Variants in SUSD1 observed in about 807,000 individuals in gnomAD.
SUSD1 encodes the protein sushi domain-containing protein 1.
Under a neutral mutation model 86.9 loss-of-function variants are expected in SUSD1, and 65 were observed. The observed-to-expected ratio is 0.75, with a 90% CI of 0.61 to 0.92. The LOEUF is 0.92. SUSD1 is among the 40% of genes least tolerant of loss of function. SUSD1 has a pLI of 0.00. For missense variants in SUSD1, 850 were observed against 929.7 expected (o/e 0.91, Z 1.11); for synonymous variants, 346 against 350.0 (o/e 0.99, Z 0.13).
chr9:112,165,238 G>C (rs894977488), intron 1 of SUSD1, among the ~76,000 whole-genome samples: 1 of 152,110 alleles, frequency 6.6e-6, no homozygotes, highest in African/African-American at 2.4e-5. Flanking sequence ...CATGCAATGC[G>C]TAGTAATCAT....
chr9:112,057,013 G>T (rs557646084), intron 14 of SUSD1, among the ~76,000 whole-genome samples: 60 of 152,280 alleles, frequency 3.9e-4, no homozygotes, highest in Non-Finnish European at 8.5e-4. Context: ...CAATGTGATG[G>T]TATTTGGAGG....
intron 14 of SUSD1, 125 bp from the exon 15 acceptor site, chr9:112,052,563 A>G (rs926986236): frequency 1.9e-6 from 2 of 1,066,722 alleles, no homozygotes; most frequent in African/African-American, 3.2e-5. Flanking sequence ...CTAGACCTTT[A>G]AAGTCCAATC....
At position 112,174,494 on chromosome 9, in the gene SUSD1, C is replaced by T. The variant is rs185441237; in HGVS notation, c.103+639G>A. The stretch of plus-strand genomic sequence containing the variant: ...CTCCCTCGATTGCTTGGAAATAGAA[C>T]ATTTGCTGGTCTAAATCCTCCAGAC... On this transcript the variant is annotated intron_variant, in intron 1 of 16. Transcript: ENST00000374270. Among the ~76,000 whole-genome samples the T allele has an allele frequency of 2.7e-4, 41 of 152,318 alleles. No homozygotes were observed. The East Asian group carries it at 6.4e-3, about 24-fold the overall frequency.
chr9:112,060,718 A>C (rs1828683313), intron 13 of SUSD1, among the ~76,000 whole-genome samples: 1 of 152,242 alleles, frequency 6.6e-6, no homozygotes, highest in Admixed American at 6.5e-5. Flanking sequence ...TTAAGCATCC[A>C]CTGCCTATGG....
chr9:112,066,774 C>T (rs190557392), intron 12 of SUSD1, among the ~76,000 whole-genome samples: 28 of 152,318 alleles, frequency 1.8e-4, no homozygotes, highest in African/African-American at 6.5e-4. Flanking sequence ...TACTCCAAAT[C>T]CCCACTGGCC....
chr9:112,132,642 G>A (rs374494799), intron 5 of SUSD1, among the ~76,000 whole-genome samples: 9 of 152,254 alleles, frequency 5.9e-5, no homozygotes, highest in Admixed American at 3.3e-4. Flanking sequence ...AGCTTGATAC[G>A]TATACTTACT....
rs199737236 is a variant in SUSD1, at chr9:112,078,652, T to C, written c.1639A>G (p.Ser547Gly). Residue 547 changes from serine to glycine, a missense_variant, in exon 12 of 17, where the codon AGC becomes GGC. By Grantham distance (56) the Ser-to-Gly change is moderately conservative. Transcript: ENST00000374270. ...TCCAAGCACACCTCGGGATCTCGGCTGCTGCTACTGATATTAAAGGTCATT... is the reference window on the plus strand; with the variant it reads ...TCCAAGCACACCTCGGGATCTCGGCCGCTGCTACTGATATTAAAGGTCATT... The part of the protein sequence containing the change: ...QEMTFNISSS[S>G]RDPEVCLDLR... The C allele has an allele frequency of 3.8e-5, 61 of 1,614,022 alleles. No individual in the cohort carries two copies. Among genetic ancestry groups the C allele is most frequent in the Non-Finnish European group, 4.7e-5 (56 of 1,180,016 alleles).
chr9:112,042,247 G>T, intron 15 of SUSD1: 2 of 1,217,820 alleles, frequency 1.6e-6, no homozygotes, highest in Non-Finnish European at 2.3e-6. Context: ...CAAATACTAT[G>T]CAACGTGTTA....
chr9:112,130,521 G>A (rs1251794064), intron 5 of SUSD1, among the ~76,000 whole-genome samples: 1 of 143,440 alleles, frequency 7.0e-6, no homozygotes, highest in Non-Finnish European at 1.5e-5. Flanking sequence ...GGAAGGAAAA[G>A]AAAGAAAAGA....
chr9:112,068,830 G>A (rs77380238), intron 12 of SUSD1, among the ~76,000 whole-genome samples: 2 of 152,282 alleles, frequency 1.3e-5, no homozygotes, highest in African/African-American at 4.8e-5. Flanking sequence ...AAGTGCTCGA[G>A]GTCTGCTGCA....
At position 112,098,554 on chromosome 9, in the gene SUSD1, T is replaced by TAGGGTAC; in HGVS notation, c.1383_1389dup (p.Thr464ValfsTer5). ...GTCACATTCACCGTATAATCAGTCG[T>TAGGGTAC]AGGGTACAGATCCAAACACACTACA... On this transcript the variant is annotated frameshift_variant, in exon 10 of 17. Transcript: ENST00000374270. LOFTEE classifies it high-confidence loss of function. 1 of 1,614,192 alleles carries TAGGGTAC rather than the reference T, an allele frequency of 6.2e-7. No homozygotes were observed. The highest frequency in any genetic ancestry group is 8.5e-7 in the Non-Finnish European group (1 of 1,180,028).
intron 1 of SUSD1, among the ~76,000 whole-genome samples, chr9:112,163,583 T>G (rs1274766728): frequency 6.6e-6 from 1 of 151,854 alleles, no homozygotes; most frequent in Admixed American, 6.6e-5. Context: ...GGCTGCAGTG[T>G]GCTTTGATTG....
chr9:112,092,546 A>G (rs982035027), intron 10 of SUSD1, among the ~76,000 whole-genome samples: 3 of 152,218 alleles, frequency 2.0e-5, no homozygotes, highest in Non-Finnish European at 4.4e-5. Flanking sequence ...GAACAAGTAA[A>G]TAGGTTATAA....
chr9:112,164,352 C>A (rs1833691432), intron 1 of SUSD1, among the ~76,000 whole-genome samples: 1 of 152,082 alleles, frequency 6.6e-6, no homozygotes, highest in African/African-American at 2.4e-5. Context: ...CTTGAGCACA[C>A]CACTTAACCT....
In SUSD1 at chr9:112,143,638, C is replaced by G; in HGVS notation, c.374-15G>C. 6.4e-7 allele frequency: 1 copy of G among 1,565,528 alleles called. No homozygotes were observed. On this transcript the variant is annotated splice_polypyrimidine_tract_variant and intron_variant, in intron 3 of 16. Transcript: ENST00000374270. ...CTCATCTATGTCTTGGGACCCAATC[C>G]AAATAGAGAAAAGGAGATAAAAACA...
chr9:112,151,617 C>T (rs111383419), intron 2 of SUSD1, among the ~76,000 whole-genome samples: 6,256 of 150,902 alleles, frequency 0.041, 337 homozygotes, highest in Admixed American at 0.11. Flanking sequence ...AAGTATCTTT[C>T]TTGGCCGGGC....
rs961362701 is a variant in SUSD1, at chr9:112,113,979, C to A, written c.887-1111G>T. 2.0e-5 allele frequency among the ~76,000 whole-genome samples: 3 copies of A among 152,000 alleles called. No individual in the cohort carries two copies. Among genetic ancestry groups the A allele is most frequent in the Non-Finnish European group, 4.4e-5 (3 of 68,008 alleles). On this transcript the variant is annotated intron_variant, in intron 6 of 16. Transcript: ENST00000374270. This position sits in a 1 kb window ranked among gnomAD's most constrained non-coding sequence, Gnocchi z 4.1. ...ATAAACTTCCTACAGACAAGTAAAA[C>A]TATCTCTACTTGCAAATGATACAAT...
intron 12 of SUSD1, among the ~76,000 whole-genome samples, chr9:112,072,049 A>T (rs1205819005): frequency 6.6e-6 from 1 of 152,128 alleles, no homozygotes; most frequent in Non-Finnish European, 1.5e-5. Context: ...GTCTTTGTAC[A>T]TAACCAATCG....
At chr9:112,052,729 C>T (rs1377790157) in intron 14 of SUSD1, among the ~76,000 whole-genome samples, 2 of 152,130 alleles carry the variant, frequency 1.3e-5, no homozygotes, top group African/African-American at 4.8e-5. Context: ...AGGACCATTC[C>T]CCTGACCAGC....
Sources: allele counts gnomAD v4.1 joint callset (sites outside exome capture counted in the v4.1 genomes callset), GRCh38; gene constraint gnomAD v4.1.1; non-coding constraint Gnocchi (gnomAD v3.1); transcripts MANE v1.5; gene names NCBI Gene and HGNC (gene_info 2026-07-23, HGNC 2026-07-21).